PTPRM: variants seen among roughly 807,000 people sequenced by gnomAD.
The protein encoded by PTPRM is receptor-type tyrosine-protein phosphatase mu.
PTPRM carries 47 observed loss-of-function variants against 186.7 expected under a neutral mutation model. The ratio of observed to expected loss-of-function variants is 0.25; its 90% CI spans 0.20 to 0.32. The LOEUF is 0.32. Among genes scored for constraint, PTPRM ranks in the 10% least tolerant of loss-of-function variants. PTPRM has a pLI of 1.00. For missense variants in PTPRM, 1,494 were observed against 1,865.0 expected, an observed-to-expected ratio of 0.80 and a Z score of 3.66; for synonymous variants, 668 against 674.9, an observed-to-expected ratio of 0.99 and a Z score of 0.16.
intron 14 of PTPRM, among the ~76,000 whole-genome samples, chr18:8,182,158 TC>T (rs2146595131): frequency 6.6e-6 from 1 of 152,358 alleles, no homozygotes; most frequent in Admixed American, 6.5e-5. Flanking sequence ...CTGAATATAT[TC>T]AAAAATGTCT....
chr18:8,096,601 C>T (rs1219681771), intron 11 of PTPRM, among the ~76,000 whole-genome samples: 1 of 152,114 alleles, frequency 6.6e-6, no homozygotes, highest in Non-Finnish European at 1.5e-5. Context: ...ATTATAAACT[C>T]AGAGCACTAA....
chr18:8,116,268 C>T (rs946633004), intron 13 of PTPRM, among the ~76,000 whole-genome samples: 9 of 152,338 alleles, frequency 5.9e-5, no homozygotes, highest in African/African-American at 2.2e-4. Flanking sequence ...AATCCTGTTC[C>T]AGGGCCCCTA....
At chr18:8,168,087 T>A (rs1245257760) in intron 14 of PTPRM, among the ~76,000 whole-genome samples, 1 of 152,248 alleles carries the variant, frequency 6.6e-6, no homozygotes, top group African/African-American at 2.4e-5. Flanking sequence ...ATGCTGAGTA[T>A]GTTTCTAGCG....
At chr18:8,091,014 A>G (rs966418158) in intron 11 of PTPRM, among the ~76,000 whole-genome samples, 1 of 152,138 alleles carries the variant, frequency 6.6e-6, no homozygotes, top group South Asian at 2.1e-4. Context: ...TATTTCTAGC[A>G]TATGCCTCAC....
chr18:8,379,445 A>G, intron 28 of PTPRM, 105 bp downstream of exon 28: 1 of 1,208,520 alleles, frequency 8.3e-7, no homozygotes, highest in Non-Finnish European at 1.1e-6. Flanking sequence ...TTTGTTTTTT[A>G]AGACACAAAC....
intron 1 of PTPRM, among the ~76,000 whole-genome samples, chr18:7,705,191 C>T (rs868695962): frequency 2.0e-5 from 3 of 151,930 alleles, no homozygotes; most frequent in Non-Finnish European, 2.9e-5. Context: ...ATATATCAAA[C>T]GAGAAATAAA....
intron 1 of PTPRM, among the ~76,000 whole-genome samples, chr18:7,701,573 C>CT (rs1427201142): frequency 6.6e-6 from 1 of 151,944 alleles, no homozygotes; most frequent in Non-Finnish European, 1.5e-5. Flanking sequence ...GCACTCCAGC[C>CT]TGGTGACAGA....
At chr18:7,897,128 G>A (rs1167297923) in intron 3 of PTPRM, among the ~76,000 whole-genome samples, 1 of 152,194 alleles carries the variant, frequency 6.6e-6, no homozygotes, top group East Asian at 1.9e-4. Flanking sequence ...GAAGCACTGG[G>A]TTAAACAAAG....
At chr18:7,939,299 C>G (rs1026642493) in intron 5 of PTPRM, among the ~76,000 whole-genome samples, 8 of 152,190 alleles carry the variant, frequency 5.3e-5, no homozygotes, top group Admixed American at 3.3e-4. Flanking sequence ...TGCCTGCGTA[C>G]TCAGAGCAGC....
intron 2 of PTPRM, among the ~76,000 whole-genome samples, chr18:7,833,439 C>A (rs1049566877): frequency 7.2e-5 from 11 of 152,050 alleles, no homozygotes; most frequent in Admixed American, 6.6e-5. Context: ...TATAGGAATG[C>A]ATATTGATTT....
intron 1 of PTPRM, among the ~76,000 whole-genome samples, chr18:7,572,448 A>G (rs2036587077): frequency 1.3e-5 from 2 of 152,218 alleles, no homozygotes; most frequent in African/African-American, 4.8e-5. Context: ...TAAATTTTTC[A>G]TAATTCTCTA....
chr18:7,771,325 G>T (rs2042259772), intron 1 of PTPRM, among the ~76,000 whole-genome samples: 1 of 152,142 alleles, frequency 6.6e-6, no homozygotes, highest in Non-Finnish European at 1.5e-5. Flanking sequence ...TGCCATTTGA[G>T]CTTATTGCTA....
intron 26 of PTPRM, 131 bp from the exon 27 acceptor site, chr18:8,378,134 A>T: frequency 1.1e-6 from 1 of 895,422 alleles, no homozygotes; most frequent in Non-Finnish European, 1.7e-6. Flanking sequence ...CTAGCACTTG[A>T]GCCCTTGGAC....
chr18:8,279,947 A>G (rs372371353), intron 19 of PTPRM, among the ~76,000 whole-genome samples: 100 of 152,338 alleles, frequency 6.6e-4, no homozygotes, highest in African/African-American at 2.3e-3. Context: ...GACACTTGGA[A>G]AGAAAATCTC....
intron 15 of PTPRM, among the ~76,000 whole-genome samples, chr18:8,246,562 C>T (rs1341817808): frequency 6.6e-6 from 1 of 152,070 alleles, no homozygotes; most frequent in Non-Finnish European, 1.5e-5. Flanking sequence ...CACATCTTTA[C>T]CAACCACATA....
chr18:8,028,873 T>C (rs10853359), intron 7 of PTPRM, among the ~76,000 whole-genome samples: 92,067 of 152,072 alleles, frequency 0.61, 28,101 homozygotes, highest in Non-Finnish European at 0.65. Context: ...CTGTGCCCTT[T>C]AATATTGGCA....
intron 5 of PTPRM, among the ~76,000 whole-genome samples, chr18:7,943,348 A>G (rs1213627179): frequency 2.6e-5 from 4 of 152,026 alleles, no homozygotes; most frequent in African/African-American, 9.7e-5. Flanking sequence ...GGGTGCCTCC[A>G]TGGTTGCTGT....
intron 20 of PTPRM, among the ~76,000 whole-genome samples, chr18:8,313,986 GA>G (rs1171165674): frequency 6.6e-6 from 1 of 151,718 alleles, no homozygotes; most frequent in Non-Finnish European, 1.5e-5. Context: ...CCCCATTTCT[GA>G]AAAAAATTAA....
At chr18:7,622,993 T>G (rs1302958214) in intron 1 of PTPRM, among the ~76,000 whole-genome samples, 2 of 152,184 alleles carry the variant, frequency 1.3e-5, no homozygotes, top group Non-Finnish European at 2.9e-5. Flanking sequence ...TCTAAAACTT[T>G]CCATTTCTGA....
Sources: allele counts gnomAD v4.1 joint callset (sites outside exome capture counted in the v4.1 genomes callset), GRCh38; gene constraint gnomAD v4.1.1; transcripts MANE v1.5; gene names NCBI Gene and HGNC (gene_info 2026-07-23, HGNC 2026-07-21).